The following POLRMT variants were observed in gnomAD, a reference collection of about 807,000 sequenced individuals.
POLRMT encodes RNA polymerase mitochondrial.
Under a neutral mutation model 132.2 loss-of-function variants are expected in POLRMT, and 114 were observed. The ratio of observed to expected loss-of-function variants is 0.86; its 90% CI spans 0.74 to 1.01. The LOEUF is 1.01. Ranked by LOEUF, POLRMT falls within the 50% of genes least tolerant of loss-of-function variation. The pLI is 0.00. For missense variants in POLRMT, 2,003 were observed against 1,729.1 expected, an observed-to-expected ratio of 1.16 and a Z score of -2.81; for synonymous variants, 1,020 against 773.4, an observed-to-expected ratio of 1.32 and a Z score of -5.29.
intron 3 of POLRMT, among the ~76,000 whole-genome samples, chr19:628,870 G>A (rs1056345622): frequency 7.2e-5 from 11 of 152,126 alleles, no homozygotes; most frequent in Middle Eastern, 3.2e-3. Context: ...CGGGGGTGGT[G>A]GCGGGCACCT....
At chr19:631,541 A>T (rs190755667) in intron 2 of POLRMT, among the ~76,000 whole-genome samples, 8 of 152,098 alleles carry the variant, frequency 5.3e-5, no homozygotes, top group Admixed American at 5.2e-4. Flanking sequence ...CGGGAGGTTG[A>T]GGCAGGAGAA....
chr19:627,400 C>T (rs1985101563), intron 3 of POLRMT, among the ~76,000 whole-genome samples: 1 of 151,794 alleles, frequency 6.6e-6, no homozygotes, highest in African/African-American at 2.4e-5. Flanking sequence ...GATCCGCCCG[C>T]CTCAGCCTCC....
intron 10 of POLRMT, among the ~76,000 whole-genome samples, 158 bp downstream of exon 10, chr19:620,900 G>A (rs1984492579): frequency 2.1e-5 from 1 of 47,728 alleles, no homozygotes; most frequent in Admixed American, 1.7e-4. Flanking sequence ...CCAGGGGAGG[G>A]GGAGGGGAGG....
chr19:621,410 G>C lies in POLRMT; in HGVS notation c.2288C>G (p.Ala763Gly). 6.6e-7 allele frequency: 1 copy of C among 1,514,866 alleles called. No individual in the cohort carries two copies. Among genetic ancestry groups the C allele is most frequent in the Non-Finnish European group, 8.8e-7 (1 of 1,136,716 alleles). 93.8% of individuals were successfully genotyped at this position (1,514,866 alleles called of 1,614,324 possible). A position where few individuals can be genotyped will look rare whatever the true frequency, so the allele number is the denominator to read the frequency against. Residue 763 changes from alanine to glycine, a missense_variant, in exon 10 of 21, where the codon GCG becomes GGG. Ala to Gly is a moderately conservative substitution (Grantham distance 60). Coordinates refer to ENST00000588649, the MANE Select transcript of POLRMT (RefSeq NM_005035.4). ...CTCCCGGGCCACCTTCTGGCAGTGC[G>C]CCAGCTCACGGCGCAGCTCGGCCTT... Reference protein sequence around the residue: ...ARKAELRRELAHCQKVAREMH... With the variant: ...ARKAELRRELGHCQKVAREMH...
chr19:628,027 T>C (rs1985148074), intron 3 of POLRMT, among the ~76,000 whole-genome samples: 1 of 147,758 alleles, frequency 6.8e-6, no homozygotes, highest in African/African-American at 2.5e-5. Context: ...TATCCGGGGG[T>C]GGTGGCACAC....
intron 2 of POLRMT, among the ~76,000 whole-genome samples, chr19:630,895 C>T (rs1055435377): frequency 1.3e-5 from 2 of 152,300 alleles, no homozygotes; most frequent in South Asian, 2.1e-4. Context: ...TGGCGGCTCA[C>T]GTCGGTCATC....
rs750607568 is a variant in POLRMT, at chr19:619,561, T to A, written c.3066+25A>T. 6 of 1,610,960 alleles carry A rather than the reference T, an allele frequency of 3.7e-6. No individual in the cohort carries two copies. The South Asian group carries it at 4.4e-5, about 12-fold the overall frequency. On this transcript the variant is annotated intron_variant, in intron 13 of 20. Transcript: ENST00000588649. ...TTAAATGGCAGTGAAACCAACGTGTTCGCAGCGCGACATGCCTGGCGCACC... is the reference window on the plus strand; with the variant it reads ...TTAAATGGCAGTGAAACCAACGTGTACGCAGCGCGACATGCCTGGCGCACC...
intron 3 of POLRMT, among the ~76,000 whole-genome samples, chr19:628,940 G>A (rs1985213209): frequency 6.6e-6 from 1 of 152,080 alleles, no homozygotes. Context: ...GGAGGTGGAG[G>A]TGGCCATGAG....
At position 622,716 on chromosome 19, in the gene POLRMT, T is replaced by C; in HGVS notation, c.1492A>G (p.Thr498Ala). 6.2e-7 allele frequency: 1 copy of C among 1,602,194 alleles called. No individual in the cohort carries two copies. Among genetic ancestry groups the C allele is most frequent in the Non-Finnish European group, 8.5e-7 (1 of 1,175,756 alleles). Residue 498 changes from threonine (T) to alanine (A), a missense_variant, in exon 8 of 21, where the codon ACC becomes GCC. Physicochemically the swap from Thr to Ala is moderately conservative, Grantham distance 58. Coordinates refer to ENST00000588649, the MANE Select transcript of POLRMT (RefSeq NM_005035.4). ...QALPAQGESFTTLARELSART... is the reference protein window; with the variant it reads ...QALPAQGESFATLARELSART... Reference sequence around the variant, plus strand: ...GCACTCAGCTCCCGGGCCAGGGTGGTGAAGGACTCACCTTGGGCGGGCAGC... The same window carrying C: ...GCACTCAGCTCCCGGGCCAGGGTGGCGAAGGACTCACCTTGGGCGGGCAGC...
rs1984566793 is a variant in POLRMT at position 621,301 on chromosome 19, G to A, written c.2397C>T (p.Asn799=). ...LRDRVFWLPH[N]MDFRGRTYPC... ...GGTAGGTGCGGCCGCGGAAGTCCAT[G>A]TTGTGCGGCAGCCAGAAGACGCGGT... The change falls in exon 10 of 21, where the codon AAC becomes AAT. Residue 799 remains asparagine, a synonymous_variant. Coordinates refer to ENST00000588649, the MANE Select transcript of POLRMT (RefSeq NM_005035.4). 6.2e-7 allele frequency: 1 copy of A among 1,601,842 alleles called. No homozygotes were observed. Among genetic ancestry groups the A allele is most frequent in the African/African-American group, 1.3e-5 (1 of 74,688 alleles).
chr19:618,410 G>A, intron 17 of POLRMT, 78 bp downstream of exon 17: 2 of 1,174,048 alleles, frequency 1.7e-6, no homozygotes, highest in South Asian at 1.4e-5. Context: ...GCTAGACCCA[G>A]CCTTGCCAGC....
In POLRMT at chr19:632,978, G is replaced by T. The variant is rs941726578; in HGVS notation, c.89-40C>A. 4.3e-6 allele frequency: 6 copies of T among 1,389,960 alleles called. No homozygotes were observed. The African/African-American group carries it at 9.0e-5, about 21-fold the overall frequency. 86.1% of individuals were successfully genotyped at this position (1,389,960 alleles called of 1,614,324 possible). A position where few individuals can be genotyped will look rare whatever the true frequency, so the allele number is the denominator to read the frequency against. ...AGAGCGGCTGAGCGGGGCCGGGCGT[G>T]TGGGCGGGGGCCTCCATAAAGGCAG... On this transcript the variant is annotated intron_variant, in intron 1 of 20. Transcript: ENST00000588649.
intron 4 of POLRMT, 95 bp downstream of exon 4, chr19:625,029 T>TG: frequency 1.3e-6 from 2 of 1,523,210 alleles, no homozygotes; most frequent in African/African-American, 1.4e-5. Flanking sequence ...TCAGGCCCTC[T>TG]GGGGGTCCCC....
chr19:629,493 T>C, intron 3 of POLRMT, 47 bp downstream of exon 3: 1 of 1,458,572 alleles, frequency 6.9e-7, no homozygotes, highest in Non-Finnish European at 9.0e-7. Flanking sequence ...GGCAAGTTCC[T>C]GTCTCCAACG....
chr19:628,633 G>C (rs969297956), intron 3 of POLRMT, among the ~76,000 whole-genome samples: 4 of 151,406 alleles, frequency 2.6e-5, no homozygotes, highest in Admixed American at 2.0e-4. Flanking sequence ...AAGGATCATG[G>C]GGGGGGAGAA....
chr19:633,180 A>G (rs778549501), intron 1 of POLRMT: 48 of 597,862 alleles, frequency 8.0e-5, no homozygotes, highest in Non-Finnish European at 1.2e-4. Flanking sequence ...GTCAAAGGTT[A>G]AGAGCCCTAA....
In POLRMT at chr19:621,850, G is replaced by A. The variant is rs767300073; in HGVS notation, c.1852-4C>T. On this transcript the variant is annotated splice_polypyrimidine_tract_variant and splice_region_variant and intron_variant, in intron 9 of 20. Coordinates refer to ENST00000588649, the MANE Select transcript of POLRMT (RefSeq NM_005035.4). ...GGTGCGGCTTCAGGATGCCGATCTGGGGTGCGACAGGCAGACGGGTCAGGG... is the reference window on the plus strand; with the variant it reads ...GGTGCGGCTTCAGGATGCCGATCTGAGGTGCGACAGGCAGACGGGTCAGGG... 41 of 1,601,276 alleles carry A rather than the reference G, an allele frequency of 2.6e-5. No individual in the cohort carries two copies. The South Asian group carries it at 4.3e-4, about 17-fold the overall frequency.
intron 11 of POLRMT, 22 bp from the exon 12 acceptor site, chr19:620,102 G>A: frequency 6.5e-7 from 1 of 1,535,480 alleles, no homozygotes; most frequent in South Asian, 1.2e-5. Flanking sequence ...GCGGCAAACG[G>A]GAGATGGAAG....
Position 619,920 on chromosome 19 carries a change from C to T in POLRMT, c.2886+38G>A, listed in dbSNP as rs112637808. ...CGAGACTCAGGGCTCACATTGCCCC[C>T]ACGCCGAGATGCCCCCGGGCAGCAG... On this transcript the variant is annotated intron_variant, in intron 12 of 20. Coordinates refer to ENST00000588649, the MANE Select transcript of POLRMT (RefSeq NM_005035.4). The T allele has an allele frequency of 7.7e-4, 1,232 of 1,598,800 alleles. 8 individuals are homozygous for T. In the African/African-American group the frequency reaches 0.014, roughly 18 times the overall value.
Sources: allele counts gnomAD v4.1 joint callset (sites outside exome capture counted in the v4.1 genomes callset), GRCh38; gene constraint gnomAD v4.1.1; transcripts MANE v1.5; gene names NCBI Gene and HGNC (gene_info 2026-07-23, HGNC 2026-07-21).